Variants in CDR2 observed in about 807,000 individuals in gnomAD.
The protein encoded by CDR2 is cerebellar degeneration related protein 2, also known as cerebellar degeneration-related protein 2.
A neutral mutation model predicts 48.4 loss-of-function variants in CDR2; 34 were observed. The observed-to-expected ratio is 0.70, with a 90% CI of 0.53 to 0.94. The LOEUF (loss-of-function observed/expected upper bound fraction) is 0.94. Ranked by LOEUF, CDR2 falls within the 40% of genes least tolerant of loss-of-function variation. The probability of loss-of-function intolerance (pLI) is 0.00; values close to 1 mark genes in which losing one functional copy is unlikely to be tolerated. For missense variants in CDR2, 498 were observed against 549.5 expected (o/e 0.91, Z 0.94); for synonymous variants, 240 against 219.7 (o/e 1.09, Z -0.82).
intron 2 of CDR2, among the ~76,000 whole-genome samples, chr16:22,358,200 G>C (rs2048988766): frequency 6.6e-6 from 1 of 152,092 alleles, no homozygotes; most frequent in Non-Finnish European, 1.5e-5. Flanking sequence ...TCATCTCAAG[G>C]TACAGACATG....
At chr16:22,370,544 T>C (rs2049069035) in intron 1 of CDR2, among the ~76,000 whole-genome samples, 1 of 152,184 alleles carries the variant, frequency 6.6e-6, no homozygotes, top group Non-Finnish European at 1.5e-5. Flanking sequence ...CTCAGGGGCA[T>C]GTTTCAAAGC....
Position 22,349,821 on chromosome 16 carries a change from C to G in CDR2, c.221G>C (p.Arg74Pro), listed in dbSNP as rs767698978. The change falls in exon 3 of 5, where the codon CGG (arginine) becomes CCG (proline). Residue 74 changes from arginine to proline, a missense_variant. By Grantham distance (103) the Arg-to-Pro change is moderately radical (BLOSUM62 -2). Transcript: ENST00000268383. ...CTTTGCATGTTGTTCGTTCATCTGC[C>G]GTAGAAGTTCCACTTGCTTCGTCAG... ...EYLTKQVELLRQMNEQHAKVY... is the reference protein window; with the variant it reads ...EYLTKQVELLPQMNEQHAKVY... 6.2e-7 allele frequency: 1 copy of G among 1,613,974 alleles called. No individual in the cohort carries two copies. The highest frequency in any genetic ancestry group is 1.7e-5 in the Admixed American group (1 of 60,002).
At chr16:22,357,721 A>G (rs2048984535) in intron 2 of CDR2, among the ~76,000 whole-genome samples, 1 of 152,258 alleles carries the variant, frequency 6.6e-6, no homozygotes, top group Non-Finnish European at 1.5e-5. Flanking sequence ...TCTTACAGAT[A>G]GGATGTTCAA....
intron 1 of CDR2, 70 bp downstream of exon 1, chr16:22,374,158 CTTT>C: frequency 9.6e-7 from 1 of 1,039,428 alleles, no homozygotes; most frequent in Non-Finnish European, 1.4e-6. Flanking sequence ...CAAAAAGCAA[CTTT>C]TTAACAGTTT....
intron 2 of CDR2, 137 bp from the exon 3 acceptor site, chr16:22,349,986 C>T (rs1160599244): frequency 8.4e-6 from 6 of 716,842 alleles, no homozygotes; most frequent in Middle Eastern, 2.8e-4. Context: ...GTTAGGAATT[C>T]GAGACCAGCC....
At chr16:22,364,680 C>G (rs141554452) in intron 2 of CDR2, among the ~76,000 whole-genome samples, 7 of 152,094 alleles carry the variant, frequency 4.6e-5, no homozygotes, top group Non-Finnish European at 7.4e-5. Context: ...CTGGCTAACA[C>G]AGTGAAACCC....
intron 2 of CDR2, among the ~76,000 whole-genome samples, chr16:22,354,686 G>A (rs1054566777): frequency 8.6e-5 from 13 of 150,550 alleles, no homozygotes; most frequent in African/African-American, 2.7e-4. Flanking sequence ...ACAGGAGTTC[G>A]AGACCAGCCT....
chr16:22,362,258 G>A (rs770062584), intron 2 of CDR2, among the ~76,000 whole-genome samples: 20 of 152,172 alleles, frequency 1.3e-4, no homozygotes, highest in Admixed American at 7.2e-4. Context: ...TTTCCATGAC[G>A]CTTTGCAATA....
chr16:22,373,928 G>A lies in CDR2; in HGVS notation c.79+303C>T, dbSNP rs955312756. Among the ~76,000 whole-genome samples, 7 of 152,370 alleles carry A rather than the reference G, an allele frequency of 4.6e-5. No individual in the cohort carries two copies. The East Asian group carries it at 7.7e-4, about 17-fold the overall frequency. ...TGGCTCACCCGGGTCTGCCTCGGAG[G>A]AATGCAGTGAGGATTAAACTAGCTA... On this transcript the variant is annotated intron_variant, in intron 1 of 4. Coordinates refer to ENST00000268383, the MANE Select transcript of CDR2 (RefSeq NM_001802.2).
At chr16:22,353,754 A>C (rs1312374518) in intron 2 of CDR2, among the ~76,000 whole-genome samples, 2 of 152,148 alleles carry the variant, frequency 1.3e-5, no homozygotes, top group Middle Eastern at 3.2e-3. Flanking sequence ...AAGATACTAC[A>C]TAAGCTGGAA....
chr16:22,347,654 C>T lies in CDR2; in HGVS notation c.676G>A (p.Val226Met), dbSNP rs769723609. The T allele has an allele frequency of 2.0e-5, 33 of 1,614,006 alleles. No homozygotes were observed. The highest frequency in any genetic ancestry group is 1.6e-4 in the Middle Eastern group (1 of 6,084). ...RVTMEEEYGLVLKENSELEQQ... is the reference protein window; with the variant it reads ...RVTMEEEYGLMLKENSELEQQ... ...TCCAGTTCACTGTTCTCCTTTAACA[C>T]GAGCCCATATTCCTCCTCCATAGTC... Residue 226 changes from valine to methionine, a missense_variant, in exon 5 of 5, where the codon GTG becomes ATG. By Grantham distance (21) the Val-to-Met change is conservative (BLOSUM62 1). Coordinates refer to ENST00000268383, the MANE Select transcript of CDR2 (RefSeq NM_001802.2).
chr16:22,351,523 G>T (rs1171620898), intron 2 of CDR2, among the ~76,000 whole-genome samples: 1 of 151,098 alleles, frequency 6.6e-6, no homozygotes, highest in Non-Finnish European at 1.5e-5. Context: ...ATCTTAATTT[G>T]GAAAAAAAAA....
chr16:22,360,734 AT>A (rs904597438), intron 2 of CDR2, among the ~76,000 whole-genome samples: 3 of 145,576 alleles, frequency 2.1e-5, no homozygotes, highest in East Asian at 2.0e-4. Flanking sequence ...AATTAAAAAA[AT>A]GATCTTTTTT....
In CDR2 at chr16:22,349,866, G is replaced by C. The variant is rs781131572; in HGVS notation, c.193-17C>G. On this transcript the variant is annotated splice_polypyrimidine_tract_variant and intron_variant, in intron 2 of 4. Coordinates refer to ENST00000268383, the MANE Select transcript of CDR2 (RefSeq NM_001802.2). ...CGTCAGATACTGTAAGAGAAGATCA[G>C]GACCAGGTGACACAAACAGATAAGA... The C allele has an allele frequency of 1.9e-6, 3 of 1,613,410 alleles. No homozygotes were observed. In the South Asian group the frequency reaches 3.3e-5, roughly 18 times the overall value.
At chr16:22,371,385 T>A (rs906780230) in intron 1 of CDR2, among the ~76,000 whole-genome samples, 2 of 152,182 alleles carry the variant, frequency 1.3e-5, no homozygotes, top group African/African-American at 4.8e-5. Flanking sequence ...AAGTGTCTAC[T>A]GAGGGCCTAC....
chr16:22,361,001 A>G (rs1437945027), intron 2 of CDR2, among the ~76,000 whole-genome samples: 2 of 152,104 alleles, frequency 1.3e-5, no homozygotes, highest in African/African-American at 4.8e-5. Flanking sequence ...CATCCGCCTC[A>G]GCCTCCCAAA....
intron 2 of CDR2, among the ~76,000 whole-genome samples, chr16:22,350,473 C>CTA (rs1229347173): frequency 1.3e-5 from 2 of 152,180 alleles, no homozygotes; most frequent in African/African-American, 4.8e-5. Context: ...ATCTAACCCT[C>CTA]TAATCATGTG....
In CDR2 at chr16:22,347,385, G is replaced by A. The variant is rs2048913412; in HGVS notation, c.945C>T (p.Leu315=). The A allele has an allele frequency of 2.5e-6, 4 of 1,614,090 alleles. No individual in the cohort carries two copies. The highest frequency in any genetic ancestry group is 1.7e-6 in the Non-Finnish European group (2 of 1,180,054). Residue 315 remains leucine, a synonymous_variant, in exon 5 of 5, where the codon CTC becomes CTT. Coordinates refer to ENST00000268383, the MANE Select transcript of CDR2 (RefSeq NM_001802.2). ...PLKRSSSETI[L]SSLAGSDIVK... Reference sequence around the variant, plus strand: ...CGATGTCACTCCCTGCCAAGCTGCTGAGGATCGTCTCACTGCTGCTGCGCT... The same window carrying A: ...CGATGTCACTCCCTGCCAAGCTGCTAAGGATCGTCTCACTGCTGCTGCGCT...
At chr16:22,353,497 C>T (rs1034358480) in intron 2 of CDR2, among the ~76,000 whole-genome samples, 2 of 152,098 alleles carry the variant, frequency 1.3e-5, no homozygotes, top group Non-Finnish European at 2.9e-5. Context: ...ACTATGTCAC[C>T]CCAAAGCATG....
Sources: allele counts gnomAD v4.1 joint callset (sites outside exome capture counted in the v4.1 genomes callset), GRCh38; gene constraint gnomAD v4.1.1; transcripts MANE v1.5; gene names NCBI Gene and HGNC (gene_info 2026-07-23, HGNC 2026-07-21).